CX3CR1: variants seen among roughly 807,000 people sequenced by gnomAD.
The protein encoded by CX3CR1 is C-X3-C motif chemokine receptor 1.
For missense variants in CX3CR1, 363 were observed against 432.4 expected (o/e 0.84, Z 1.42); for synonymous variants, 168 against 178.5 (o/e 0.94, Z 0.47).
intron 1 of CX3CR1, among the ~76,000 whole-genome samples, chr3:39,269,062 G>T (rs1272255984): frequency 6.6e-6 from 1 of 152,028 alleles, no homozygotes; most frequent in East Asian, 1.9e-4. Context: ...TTATTTTGGG[G>T]GAGGTAAGCC....
Position 39,270,113 on chromosome 3 carries a change from C to T in CX3CR1, c.-9-3595G>A, listed in dbSNP as rs369967741. On this transcript the variant is annotated intron_variant, in intron 1 of 1. Transcript: ENST00000399220. ...CTCTCCCTTGAAGATGGAGGAGACT[C>T]GGGCCCTGGGCTTAGGGGCCAAATC... Among the ~76,000 whole-genome samples, 25 of 152,304 alleles carry T rather than the reference C, an allele frequency of 1.6e-4. No homozygotes were observed. In the South Asian group the frequency reaches 4.6e-3, roughly 28 times the overall value.
chr3:39,290,537 A>G, the CX3CR1 span, among the ~76,000 whole-genome samples: 1 of 152,212 alleles, frequency 6.6e-6, no homozygotes, highest in Non-Finnish European at 1.5e-5. Context: ...CGGGACCTTC[A>G]TTCACTATGC....
At chr3:39,272,195 C>T (rs2040786069) in intron 1 of CX3CR1, among the ~76,000 whole-genome samples, 1 of 152,236 alleles carries the variant, frequency 6.6e-6, no homozygotes, top group African/African-American at 2.4e-5. Flanking sequence ...CAACTTAGTG[C>T]AGCAGCCAGT....
intron 1 of CX3CR1, among the ~76,000 whole-genome samples, chr3:39,273,682 A>G (rs968915938): frequency 4.6e-5 from 7 of 152,370 alleles, no homozygotes; most frequent in African/African-American, 1.7e-4. Context: ...TCTGTTGCCC[A>G]GGCTGGAGTG....
upstream of CX3CR1, among the ~76,000 whole-genome samples, chr3:39,284,428 C>T (rs544095662): frequency 2.6e-5 from 4 of 152,318 alleles, no homozygotes; most frequent in African/African-American, 9.6e-5. Context: ...TCCCAAAATG[C>T]TGGGATTACA....
At chr3:39,269,533 G>T (rs545086864) in intron 1 of CX3CR1, among the ~76,000 whole-genome samples, 24 of 152,342 alleles carry the variant, frequency 1.6e-4, no homozygotes, top group African/African-American at 5.8e-4. Flanking sequence ...GTGGGTGAAT[G>T]TATCTTCTGC....
At chr3:39,280,521 A>G (rs1330283334), upstream of CX3CR1, 1 of 961,898 alleles carries the variant, frequency 1.0e-6, no homozygotes, top group African/African-American at 1.8e-5. Flanking sequence ...CTGCATTTTA[A>G]TGAAATTCTT....
chr3:39,266,750 C>T, intron 1 of CX3CR1: 1 of 734,814 alleles, frequency 1.4e-6, no homozygotes, highest in Non-Finnish European at 2.5e-6. Context: ...TGCCCAAAGC[C>T]ATGCAGTAAA....
Position 39,263,975 on chromosome 3 carries a change from A to G in CX3CR1, c.*1467T>C, listed in dbSNP as rs1053591454. The G allele has an allele frequency of 9.2e-5, 14 of 151,624 alleles. No homozygotes were observed. Among genetic ancestry groups the G allele is most frequent in the South Asian group, 4.2e-4 (2 of 4,810 alleles). The allele number at this position is 151,624 out of a possible 1,614,324, so 9.4% of individuals were successfully genotyped here. A position where few individuals can be genotyped will look rare whatever the true frequency, so the allele number is the denominator to read the frequency against. On this transcript the variant is annotated 3_prime_UTR_variant, in exon 2 of 2. Transcript: ENST00000399220. ...ATTGTTCCAAACGTTTCTAGGGGGG[A>G]AAAAAAAGCTGCTCCCATAGCCCTG...
rs548678235 is a variant in CX3CR1 at position 39,272,434 on chromosome 3, C to T, written c.-9-5916G>A. ...CCTACTTCCTTTTCTCATGCCTGCT[C>T]ATTTATTTTTTAACTTTTTAGGGGA... On this transcript the variant is annotated intron_variant, in intron 1 of 1. Transcript: ENST00000399220. Among the ~76,000 whole-genome samples, 7 of 152,268 alleles carry T rather than the reference C, an allele frequency of 4.6e-5. No individual in the cohort carries two copies. The East Asian group carries it at 1.2e-3, about 25-fold the overall frequency.
upstream of CX3CR1, among the ~76,000 whole-genome samples, chr3:39,280,753 C>T (rs2040887544): frequency 6.6e-6 from 1 of 152,220 alleles, no homozygotes; most frequent in Non-Finnish European, 1.5e-5. Flanking sequence ...CACTCTTGCC[C>T]TGCAGTGGGG....
chr3:39,265,546 C>T lies in CX3CR1; in HGVS notation c.964G>A (p.Val322Ile), dbSNP rs188572043. Residue 322 changes from valine (V) to isoleucine (I), a missense_variant, in exon 2 of 2, where the codon GTT becomes ATT. By Grantham distance (29) the Val-to-Ile change is conservative (BLOSUM62 3). Coordinates refer to ENST00000399220, the MANE Select transcript of CX3CR1 (RefSeq NM_001337.4). ...TGTGATTCAGATGAGGAGAAATCAA[C>T]GTGGACTGAGCGCCCACACAGGACA... Reference protein sequence around the residue: ...LAVLCGRSVHVDFSSSESQRS... With the variant: ...LAVLCGRSVHIDFSSSESQRS... 95 of 1,614,194 alleles carry T rather than the reference C, an allele frequency of 5.9e-5. No individual in the cohort carries two copies. The highest frequency in any genetic ancestry group is 1.7e-5 in the Admixed American group (1 of 60,034).
At chr3:39,271,022 G>A (rs1288486817) in intron 1 of CX3CR1, among the ~76,000 whole-genome samples, 1 of 152,150 alleles carries the variant, frequency 6.6e-6, no homozygotes, top group Admixed American at 6.5e-5. Context: ...GGGCTGCAGT[G>A]AGGGCCCAGA....
At chr3:39,289,287 A>G in the CX3CR1 span, among the ~76,000 whole-genome samples, 2 of 152,196 alleles carry the variant, frequency 1.3e-5, no homozygotes, top group Non-Finnish European at 2.9e-5. Flanking sequence ...GGGGATACAA[A>G]GAAGGAGCAA....
the CX3CR1 span, among the ~76,000 whole-genome samples, chr3:39,290,788 G>T: frequency 6.6e-6 from 1 of 152,018 alleles, no homozygotes; most frequent in Non-Finnish European, 1.5e-5. Context: ...AGGCATGGTG[G>T]TGGGCGCCTG....
At chr3:39,278,673 T>G (rs1247186350) in intron 1 of CX3CR1, among the ~76,000 whole-genome samples, 2 of 75,950 alleles carry the variant, frequency 2.6e-5, no homozygotes, top group Admixed American at 2.8e-4. Context: ...TTTTTTTTTT[T>G]GTGGAGTGGG....
the CX3CR1 span, among the ~76,000 whole-genome samples, chr3:39,288,761 C>T: frequency 6.6e-6 from 1 of 152,204 alleles, no homozygotes; most frequent in Admixed American, 6.5e-5. Context: ...AGCCAGCCGG[C>T]CCACAATTAC....
the CX3CR1 span, among the ~76,000 whole-genome samples, chr3:39,290,908 C>T: frequency 2.8e-4 from 42 of 151,754 alleles, no homozygotes; most frequent in African/African-American, 7.5e-4. Context: ...GGGGACACTG[C>T]GAGACTCTGA....
chr3:39,280,718 C>A (rs1020301170), upstream of CX3CR1, among the ~76,000 whole-genome samples: 17 of 152,206 alleles, frequency 1.1e-4, 1 homozygote, highest in Admixed American at 1.1e-3. Flanking sequence ...CTGGCCTATG[C>A]TCCTTTCACA....
Sources: allele counts gnomAD v4.1 joint callset (sites outside exome capture counted in the v4.1 genomes callset), GRCh38; gene constraint gnomAD v4.1.1; transcripts MANE v1.5; gene names NCBI Gene and HGNC (gene_info 2026-07-23, HGNC 2026-07-21).